PALD1: variants seen among roughly 807,000 people sequenced by gnomAD.
PALD1 encodes the protein paladin.
In PALD1, 57 loss-of-function variants were observed where a neutral mutation model predicts 96.0. The observed-to-expected ratio is 0.59, with a 90% CI of 0.48 to 0.74. The LOEUF is 0.74. Among genes scored for constraint, PALD1 ranks in the 30% least tolerant of loss-of-function variants. The pLI is 0.00. For synonymous variants in PALD1, 464 were observed against 473.6 expected (o/e 0.98, Z 0.26); for missense variants, 1,063 against 1,143.7 (o/e 0.93, Z 1.02).
intron 1 of PALD1, among the ~76,000 whole-genome samples, chr10:70,506,164 A>G (rs1282092521): frequency 3.3e-5 from 5 of 152,240 alleles, no homozygotes; most frequent in African/African-American, 9.6e-5. Context: ...GCTAAGATTC[A>G]GTGAAACTAA....
At chr10:70,474,792 A>G (rs1211357844), upstream of PALD1, among the ~76,000 whole-genome samples, 3 of 152,186 alleles carry the variant, frequency 2.0e-5, no homozygotes, top group Non-Finnish European at 4.4e-5. Context: ...CCTGCCCATA[A>G]TATGATGCCG....
intron 1 of PALD1, among the ~76,000 whole-genome samples, chr10:70,513,342 A>C (rs1846554065): frequency 6.6e-6 from 1 of 152,118 alleles, no homozygotes; most frequent in South Asian, 2.1e-4. Flanking sequence ...AAAAAAAATA[A>C]ATAAATAAAT....
chr10:70,471,927 A>G, the PALD1 span, among the ~76,000 whole-genome samples: 1 of 152,224 alleles, frequency 6.6e-6, no homozygotes, highest in Non-Finnish European at 1.5e-5. Flanking sequence ...AACCCTGGCC[A>G]GTGACCTTCC....
chr10:70,541,075 G>C (rs201370326), intron 15 of PALD1, 27 bp from the exon 16 acceptor site: 5 of 1,570,966 alleles, frequency 3.2e-6, no homozygotes, highest in Admixed American at 3.8e-5. Flanking sequence ...GACGCCCGCT[G>C]ACCCAGACCT....
chr10:70,563,289 C>G (rs1032684877), intron 18 of PALD1, among the ~76,000 whole-genome samples: 1 of 152,204 alleles, frequency 6.6e-6, no homozygotes, highest in Non-Finnish European at 1.5e-5. Flanking sequence ...AGGCCAGCCC[C>G]TCTCAGCCCC....
the PALD1 span, among the ~76,000 whole-genome samples, chr10:70,461,824 G>GC: frequency 1.3e-5 from 2 of 152,040 alleles, no homozygotes; most frequent in Non-Finnish European, 2.9e-5. Context: ...GCAGGGTCTC[G>GC]CTCTGTCACC....
At chr10:70,560,319 T>C (rs1847711696) in intron 18 of PALD1, among the ~76,000 whole-genome samples, 1 of 151,556 alleles carries the variant, frequency 6.6e-6, no homozygotes, top group Admixed American at 6.6e-5. Flanking sequence ...TGTGGCCAAG[T>C]GGGGGAGGGT....
the PALD1 span, among the ~76,000 whole-genome samples, chr10:70,459,843 C>T: frequency 2.6e-5 from 4 of 152,192 alleles, no homozygotes; most frequent in South Asian, 8.3e-4. Flanking sequence ...GTGAACGCCA[C>T]TCTGCCCTGT....
chr10:70,504,780 G>A (rs1166316722), intron 1 of PALD1, among the ~76,000 whole-genome samples: 3 of 152,168 alleles, frequency 2.0e-5, no homozygotes, highest in African/African-American at 7.2e-5. Context: ...GAAGTATGGT[G>A]AAGAAAATCG....
intron 1 of PALD1, among the ~76,000 whole-genome samples, chr10:70,522,522 C>T (rs1212446667): frequency 6.6e-6 from 1 of 152,180 alleles, no homozygotes; most frequent in Non-Finnish European, 1.5e-5. Context: ...TTTCCAGATC[C>T]CACTGCAATG....
chr10:70,567,987 A>G lies in PALD1; in HGVS notation c.*1254A>G, dbSNP rs1001226443. 1 of 148,670 alleles carries G rather than the reference A, an allele frequency of 6.7e-6. No homozygotes were observed. Among genetic ancestry groups the G allele is most frequent in the African/African-American group, 2.5e-5 (1 of 40,170 alleles). 9.2% of individuals were successfully genotyped at this position (148,670 alleles called of 1,614,324 possible). On this transcript the variant is annotated 3_prime_UTR_variant, in exon 20 of 20. Coordinates refer to ENST00000263563, the MANE Select transcript of PALD1 (RefSeq NM_014431.3). Reference sequence around the variant, plus strand: ...AGCCTGTCTTTGGTTAGGCTCGTGTACTTCTGCAGGAAAAAAAAAAAAGGA... The same window carrying G: ...AGCCTGTCTTTGGTTAGGCTCGTGTGCTTCTGCAGGAAAAAAAAAAAAGGA...
At chr10:70,538,864 G>C in intron 12 of PALD1, 28 bp from the exon 13 acceptor site, 1 of 1,589,316 alleles carries the variant, frequency 6.3e-7, no homozygotes, top group African/African-American at 1.3e-5. Context: ...GGCTGCTGTG[G>C]GTCCCAGGCT....
At chr10:70,532,957 G>T in intron 6 of PALD1, 38 bp from the exon 7 acceptor site, 1 of 1,550,952 alleles carries the variant, frequency 6.4e-7, no homozygotes, top group Non-Finnish European at 8.8e-7. Flanking sequence ...TTCCCAGAGT[G>T]GGTGCCTGCC....
At chr10:70,463,341 C>T in the PALD1 span, among the ~76,000 whole-genome samples, 123 of 151,930 alleles carry the variant, frequency 8.1e-4, no homozygotes, top group African/African-American at 2.8e-3. Flanking sequence ...ACCCGGCAGG[C>T]GGGAACCGAG....
intron 1 of PALD1, among the ~76,000 whole-genome samples, chr10:70,515,093 A>G (rs1382673654): frequency 6.6e-6 from 1 of 152,216 alleles, no homozygotes; most frequent in Non-Finnish European, 1.5e-5. Context: ...TTGGCCCATC[A>G]TCAGTAACCA....
At chr10:70,497,723 T>C (rs778464269) in intron 1 of PALD1, among the ~76,000 whole-genome samples, 5 of 151,764 alleles carry the variant, frequency 3.3e-5, no homozygotes, top group Admixed American at 6.6e-5. Flanking sequence ...TGTGCCACCA[T>C]GCCTGGCTAA....
At chr10:70,546,700 C>T (rs1226623028) in intron 17 of PALD1, among the ~76,000 whole-genome samples, 7 of 152,184 alleles carry the variant, frequency 4.6e-5, no homozygotes, top group Non-Finnish European at 1.0e-4. Flanking sequence ...AATAACTTTC[C>T]AGCACTTTGG....
intron 1 of PALD1, among the ~76,000 whole-genome samples, chr10:70,503,266 T>G (rs750485328): frequency 6.6e-5 from 10 of 152,238 alleles, no homozygotes; most frequent in Non-Finnish European, 1.2e-4. Context: ...TCTATTTTGC[T>G]TGTTATTTTT....
At chr10:70,526,201 G>T (rs1846864339) in intron 2 of PALD1, 65 bp downstream of exon 2, 2 of 1,362,456 alleles carry the variant, frequency 1.5e-6, no homozygotes, top group African/African-American at 2.8e-5. Flanking sequence ...ACCTGCTTGG[G>T]GGTGCAGTGG....
Sources: gnomAD v4.1 joint callset for allele counts (sites outside exome capture counted in the v4.1 genomes callset) on GRCh38, gnomAD v4.1.1 for gene constraint, MANE v1.5 for transcripts, NCBI Gene and HGNC (gene_info 2026-07-23, HGNC 2026-07-21) for gene names.